Variants in ZBTB20 observed in about 807,000 individuals in gnomAD.
The protein encoded by ZBTB20 is zinc finger and BTB domain-containing protein 20.
In ZBTB20, 9 loss-of-function variants were observed where a neutral mutation model predicts 56.9. That is an observed-to-expected ratio of 0.16 (90% CI 0.10 to 0.28). The LOEUF (loss-of-function observed/expected upper bound fraction) is 0.28. ZBTB20 is among the 10% of genes least tolerant of loss of function. The pLI is 1.00. For missense variants in ZBTB20, 655 were observed against 1,003.0 expected (o/e 0.65, Z 4.69); for synonymous variants, 417 against 420.7 (o/e 0.99, Z 0.11).
intron 10 of ZBTB20, among the ~76,000 whole-genome samples, chr3:114,358,731 A>T (rs1002169153): frequency 2.6e-5 from 4 of 152,222 alleles, no homozygotes; most frequent in African/African-American, 7.2e-5. Flanking sequence ...TGAAACATTT[A>T]CTGAGAATAC....
chr3:114,742,637 T>A (rs907943016), intron 5 of ZBTB20, among the ~76,000 whole-genome samples: 1 of 152,172 alleles, frequency 6.6e-6, no homozygotes, highest in Non-Finnish European at 1.5e-5. Flanking sequence ...CAAGGTTGCA[T>A]AGTAACTAAG....
Position 114,328,975 on chromosome 3 carries a change from T to C in ZBTB20, c.*10030A>G, listed in dbSNP as rs1168121856. 6.6e-6 allele frequency: 1 copy of C among 152,218 alleles called. No homozygotes were observed. Among genetic ancestry groups the C allele is most frequent in the African/African-American group, 2.4e-5 (1 of 41,466 alleles). 9.4% of individuals were successfully genotyped at this position (152,218 alleles called of 1,614,324 possible). A position where few individuals can be genotyped will look rare whatever the true frequency, so the allele number is the denominator to read the frequency against. On this transcript the variant is annotated 3_prime_UTR_variant, in exon 12 of 12. Coordinates refer to ENST00000675478, the MANE Select transcript of ZBTB20 (RefSeq NM_001348800.3). ...AAGAAACAGCCTCACTAACAGTCAA[T>C]TCACAATTATGTTTGTCTAGTAGAA...
chr3:114,719,788 A>G (rs1157766017), intron 5 of ZBTB20, among the ~76,000 whole-genome samples: 1 of 152,108 alleles, frequency 6.6e-6, no homozygotes, highest in African/African-American at 2.4e-5. Context: ...TTGATATCTG[A>G]GGTACAGGGT....
intron 8 of ZBTB20, among the ~76,000 whole-genome samples, chr3:114,383,461 T>C (rs2084649629): frequency 6.6e-6 from 1 of 152,254 alleles, no homozygotes. Flanking sequence ...GTTTCCTACC[T>C]GACATCTTGT....
chr3:114,796,705 T>G (rs908421976), intron 5 of ZBTB20, among the ~76,000 whole-genome samples: 1 of 152,026 alleles, frequency 6.6e-6, no homozygotes, highest in Admixed American at 6.6e-5. Flanking sequence ...AAAGATGTCC[T>G]AGAGAATTGG....
intron 7 of ZBTB20, among the ~76,000 whole-genome samples, chr3:114,459,917 G>A (rs2092246686): frequency 6.6e-6 from 1 of 152,072 alleles, no homozygotes; most frequent in Non-Finnish European, 1.5e-5. Context: ...GAGATAGTAA[G>A]CACTTGGTTT....
chr3:114,868,506 T>C (rs1049371253), intron 4 of ZBTB20, among the ~76,000 whole-genome samples: 1 of 152,226 alleles, frequency 6.6e-6, no homozygotes, highest in African/African-American at 2.4e-5. Flanking sequence ...CTATAGAACT[T>C]ACCTTCACTA....
chr3:114,598,755 G>A (rs1179424948), intron 6 of ZBTB20, among the ~76,000 whole-genome samples: 7 of 151,598 alleles, frequency 4.6e-5, no homozygotes, highest in Non-Finnish European at 1.0e-4. Context: ...ATTTCAAAAC[G>A]GAAGCATCTT....
intron 6 of ZBTB20, among the ~76,000 whole-genome samples, chr3:114,686,953 A>G (rs928066590): frequency 2.0e-5 from 3 of 152,100 alleles, no homozygotes. Context: ...AGCAATAACA[A>G]CAACAACAAC....
At chr3:114,574,326 C>T (rs1416283143) in intron 6 of ZBTB20, among the ~76,000 whole-genome samples, 1 of 152,092 alleles carries the variant, frequency 6.6e-6, no homozygotes, top group East Asian at 1.9e-4. Context: ...GGTCAGAGGA[C>T]ATATTTTTAA....
chr3:114,609,613 G>C (rs2057407306), intron 6 of ZBTB20, among the ~76,000 whole-genome samples: 1 of 152,142 alleles, frequency 6.6e-6, no homozygotes, highest in Non-Finnish European at 1.5e-5. Context: ...AGAGTTGTAG[G>C]GATATAACTG....
intron 1 of ZBTB20, chr3:115,102,859 G>C (rs1292147477): frequency 6.6e-6 from 1 of 152,254 alleles, no homozygotes; most frequent in Non-Finnish European, 1.5e-5. Flanking sequence ...CAGCTGCTCA[G>C]GAGGCTGAGG....
chr3:114,860,151 C>CA (rs2075451891), intron 4 of ZBTB20, among the ~76,000 whole-genome samples: 2 of 151,920 alleles, frequency 1.3e-5, no homozygotes, highest in Non-Finnish European at 2.9e-5. Context: ...TACTAAAATA[C>CA]AAAAAATTAG....
At chr3:114,829,274 T>A (rs1033186267) in intron 4 of ZBTB20, among the ~76,000 whole-genome samples, 1 of 151,926 alleles carries the variant, frequency 6.6e-6, no homozygotes, top group Non-Finnish European at 1.5e-5. Flanking sequence ...ATGGATACTG[T>A]GAAAATAAAG....
chr3:114,481,652 T>C (rs2041560396), intron 7 of ZBTB20, among the ~76,000 whole-genome samples: 1 of 152,236 alleles, frequency 6.6e-6, no homozygotes, highest in Non-Finnish European at 1.5e-5. Flanking sequence ...CTGTTTCCTC[T>C]CTGTTTCTTG....
intron 5 of ZBTB20, among the ~76,000 whole-genome samples, chr3:114,770,448 T>C (rs189038401): frequency 1.9e-4 from 29 of 149,782 alleles, no homozygotes; most frequent in Admixed American, 1.9e-3. Flanking sequence ...AAACTCCATC[T>C]TAAAAAAAAA....
intron 5 of ZBTB20, among the ~76,000 whole-genome samples, chr3:114,781,847 T>C (rs1330136430): frequency 6.6e-6 from 1 of 152,218 alleles, no homozygotes; most frequent in Non-Finnish European, 1.5e-5. Flanking sequence ...CGCTTGGCTC[T>C]TTCCTTCTCT....
chr3:114,663,605 AG>A (rs2060876762), intron 6 of ZBTB20, among the ~76,000 whole-genome samples: 2 of 151,792 alleles, frequency 1.3e-5, no homozygotes, highest in South Asian at 4.2e-4. Context: ...AGTTGGATAA[AG>A]AGTCAAGACC....
chr3:114,891,132 G>A (rs2076791408), intron 4 of ZBTB20, among the ~76,000 whole-genome samples: 1 of 152,064 alleles, frequency 6.6e-6, no homozygotes, highest in African/African-American at 2.4e-5. Context: ...AATTGGTATG[G>A]CTGTCAAAGT....
Sources: allele counts gnomAD v4.1 joint callset (sites outside exome capture counted in the v4.1 genomes callset), GRCh38; gene constraint gnomAD v4.1.1; transcripts MANE v1.5; gene names NCBI Gene and HGNC (gene_info 2026-07-23, HGNC 2026-07-21).